Variants in PRKN observed in about 807,000 individuals in gnomAD.
PRKN encodes parkin RBR E3 ubiquitin protein ligase.
PRKN carries 56 observed loss-of-function variants against 59.5 expected under a neutral mutation model. The ratio of observed to expected loss-of-function variants is 0.94; its 90% CI spans 0.76 to 1.18. The LOEUF (loss-of-function observed/expected upper bound fraction) is 1.18, where lower values mean the gene tolerates loss of function less well. Ranked by LOEUF, PRKN falls within the 50% of genes most tolerant of loss-of-function variation. The probability of loss-of-function intolerance (pLI) is 0.00; values close to 1 mark genes in which losing one functional copy is unlikely to be tolerated. For missense variants in PRKN, 657 were observed against 596.4 expected (o/e 1.10, Z -1.06); for synonymous variants, 250 against 222.1 (o/e 1.13, Z -1.12).
chr6:162,296,485 C>G (rs1781684231), intron 2 of PRKN, among the ~76,000 whole-genome samples: 1 of 152,018 alleles, frequency 6.6e-6, no homozygotes, highest in South Asian at 2.1e-4. Context: ...CTGAAATCCC[C>G]CGGAGCTGCC....
At chr6:161,628,408 G>C (rs1428689238) in intron 7 of PRKN, among the ~76,000 whole-genome samples, 3 of 152,104 alleles carry the variant, frequency 2.0e-5, no homozygotes, top group African/African-American at 7.2e-5. Context: ...GGGATGAGAG[G>C]GCTCTCTGAG....
intron 4 of PRKN, among the ~76,000 whole-genome samples, chr6:162,115,137 C>T (rs921204149): frequency 1.3e-5 from 2 of 152,084 alleles, no homozygotes; most frequent in African/African-American, 4.8e-5. Context: ...AAATGTGGCA[C>T]ATATACACCA....
rs1023070062 is a variant in PRKN at position 161,405,758 on chromosome 6, G to A, written c.1084-18881C>T. Among the ~76,000 whole-genome samples the A allele has an allele frequency of 1.4e-4, 22 of 151,988 alleles. No homozygotes were observed. The highest frequency in any genetic ancestry group is 3.4e-4 in the African/African-American group (14 of 41,356). ...CAGGCAGGCTCGTGTTCCAAGTCTC[G>A]TACCCGTTGGGCCATTTGAGAAGTG... On this transcript the variant is annotated intron_variant, in intron 9 of 11. Transcript: ENST00000366898. The surrounding 1 kb of genome is among the most constrained non-coding windows in gnomAD (Gnocchi z 5.1).
intron 4 of PRKN, among the ~76,000 whole-genome samples, chr6:162,172,933 A>C (rs1199565553): frequency 3.9e-5 from 6 of 152,198 alleles, no homozygotes; most frequent in African/African-American, 1.4e-4. Flanking sequence ...GTGGGAGTGT[A>C]GAGTGCAACC....
intron 7 of PRKN, among the ~76,000 whole-genome samples, chr6:161,779,129 G>A (rs1458584314): frequency 1.3e-5 from 2 of 151,726 alleles, no homozygotes; most frequent in African/African-American, 2.4e-5. Flanking sequence ...CACTGGACAC[G>A]GGGTTTCACC....
rs1489047505 is a variant in PRKN, at chr6:161,550,913, T to G, written c.934-1910A>C. ...TGGGTCCTGGGTACAAATTTTGAAGTCATTAGCCTGAGCCTCTAATCCATT... is the reference window on the plus strand; with the variant it reads ...TGGGTCCTGGGTACAAATTTTGAAGGCATTAGCCTGAGCCTCTAATCCATT... On this transcript the variant is annotated intron_variant, in intron 8 of 11. Transcript: ENST00000366898. The surrounding 1 kb of genome is among the most constrained non-coding windows in gnomAD (Gnocchi z 4.0). 6.6e-6 allele frequency among the ~76,000 whole-genome samples: 1 copy of G among 152,068 alleles called. No individual in the cohort carries two copies. Among genetic ancestry groups the G allele is most frequent in the Non-Finnish European group, 1.5e-5 (1 of 68,006 alleles).
chr6:162,670,500 TA>T (rs1328305959), intron 1 of PRKN, among the ~76,000 whole-genome samples: 5 of 152,200 alleles, frequency 3.3e-5, no homozygotes, highest in African/African-American at 1.2e-4. Context: ...GCCTTGCCAC[TA>T]AAATACAACC....
At chr6:161,809,261 G>A (rs879358812) in intron 6 of PRKN, among the ~76,000 whole-genome samples, 4 of 151,052 alleles carry the variant, frequency 2.6e-5, no homozygotes, top group African/African-American at 7.3e-5. Flanking sequence ...AAAGGCAGGG[G>A]GGGAAGGGGG....
intron 3 of PRKN, among the ~76,000 whole-genome samples, chr6:162,257,398 A>G (rs1056609774): frequency 6.6e-6 from 1 of 151,978 alleles, no homozygotes; most frequent in Non-Finnish European, 1.5e-5. Context: ...AATTAACATG[A>G]CTCTTCAAAA....
chr6:161,682,815 A>C (rs1175364667), intron 7 of PRKN, among the ~76,000 whole-genome samples: 1 of 152,136 alleles, frequency 6.6e-6, no homozygotes, highest in Non-Finnish European at 1.5e-5. Flanking sequence ...CCATCCCTGC[A>C]CCACACAGTA....
At chr6:161,902,958 TGCAAGATGG>T (rs1378838332) in intron 6 of PRKN, among the ~76,000 whole-genome samples, 3 of 152,200 alleles carry the variant, frequency 2.0e-5, no homozygotes, top group Non-Finnish European at 4.4e-5. Context: ...AGTTGTGTGC[TGCAAGATGG>T]GCAAGACGGT....
chr6:162,690,768 T>C (rs183790482), intron 1 of PRKN, among the ~76,000 whole-genome samples: 1 of 152,282 alleles, frequency 6.6e-6, no homozygotes, highest in Admixed American at 6.5e-5. Flanking sequence ...AGATACTAAC[T>C]AGGTCAGATC....
At chr6:162,161,075 A>G (rs1243013411) in intron 4 of PRKN, among the ~76,000 whole-genome samples, 1 of 152,134 alleles carries the variant, frequency 6.6e-6, no homozygotes, top group Non-Finnish European at 1.5e-5. Context: ...GAGAGTAGAT[A>G]CACTACTCCA....
intron 4 of PRKN, among the ~76,000 whole-genome samples, chr6:162,141,452 T>C (rs986784729): frequency 1.3e-5 from 2 of 152,230 alleles, no homozygotes; most frequent in African/African-American, 2.4e-5. Context: ...TACAGTTTAA[T>C]GTATTCAGAG....
chr6:161,733,156 C>T (rs1398059652), intron 7 of PRKN, among the ~76,000 whole-genome samples: 1 of 152,154 alleles, frequency 6.6e-6, no homozygotes, highest in East Asian at 1.9e-4. Flanking sequence ...TTCACCTCTA[C>T]TAGCTACCTA....
intron 1 of PRKN, among the ~76,000 whole-genome samples, chr6:162,582,726 G>A (rs1053038485): frequency 1.3e-5 from 2 of 152,114 alleles, no homozygotes; most frequent in African/African-American, 4.8e-5. Flanking sequence ...CTACCACAGT[G>A]CTAGGTACTC....
At chr6:162,155,995 C>G (rs778849862) in intron 4 of PRKN, among the ~76,000 whole-genome samples, 1 of 152,014 alleles carries the variant, frequency 6.6e-6, no homozygotes, top group African/African-American at 2.4e-5. Context: ...TCCAAACAGA[C>G]AAAATTCAGG....
intron 3 of PRKN, among the ~76,000 whole-genome samples, chr6:162,250,788 T>C (rs371315844): frequency 6.6e-6 from 1 of 152,230 alleles, no homozygotes; most frequent in East Asian, 1.9e-4. Flanking sequence ...TACCTTGAAA[T>C]AGAATTCTTA....
intron 4 of PRKN, among the ~76,000 whole-genome samples, chr6:162,149,726 C>T (rs192837785): frequency 4.2e-4 from 64 of 152,150 alleles, no homozygotes; most frequent in African/African-American, 1.5e-3. Context: ...AGAAATAACC[C>T]GATCCTTGGG....
Sources: gnomAD v4.1 joint callset for allele counts (sites outside exome capture counted in the v4.1 genomes callset) on GRCh38, gnomAD v4.1.1 for gene constraint, Gnocchi (gnomAD v3.1) non-coding constraint, MANE v1.5 for transcripts, NCBI Gene and HGNC (gene_info 2026-07-23, HGNC 2026-07-21) for gene names.